Variants in RREB1 observed in about 807,000 individuals in gnomAD.
RREB1 encodes the protein ras responsive element binding protein 1, also known as ras-responsive element-binding protein 1.
RREB1 carries 27 observed loss-of-function variants against 117.8 expected under a neutral mutation model. The ratio of observed to expected loss-of-function variants is 0.23; its 90% confidence interval spans 0.17 to 0.32. The LOEUF (loss-of-function observed/expected upper bound fraction) is 0.32, where lower values mean the gene tolerates loss of function less well. RREB1 is among the 10% of genes least tolerant of loss of function. The pLI is 1.00. For missense variants in RREB1, 2,577 were observed against 2,378.2 expected (o/e 1.08, Z -1.74); for synonymous variants, 1,298 against 1,026.7 (o/e 1.26, Z -5.05).
rs113681415 is a variant in RREB1 at position 7,195,946 on chromosome 6, G to A, written c.425+6624G>A. Among the ~76,000 whole-genome samples, 29 of 152,344 alleles carry A rather than the reference G, an allele frequency of 1.9e-4. 1 individual carries two copies. Among genetic ancestry groups the A allele is most frequent in the African/African-American group, 5.8e-4 (24 of 41,586 alleles). ...CTGCTGCGGCATGATTCTCTGTAGC[G>A]TGGATTTCTGGAGTTTCATTTCTCT... On this transcript the variant is annotated intron_variant, in intron 6 of 12. Transcript: ENST00000379938.
intron 1 of RREB1, among the ~76,000 whole-genome samples, chr6:7,156,089 A>AGCC (rs1240660547): frequency 4.6e-5 from 7 of 152,272 alleles, no homozygotes; most frequent in African/African-American, 1.7e-4. Context: ...GTTTTCTGCA[A>AGCC]GCCAGGGCTT....
chr6:7,146,398 T>G (rs1581448252), intron 1 of RREB1, among the ~76,000 whole-genome samples: 1 of 149,830 alleles, frequency 6.7e-6, no homozygotes, highest in Non-Finnish European at 1.5e-5. Context: ...GGAGGCGAGG[T>G]GGGGACGGAG....
intron 1 of RREB1, among the ~76,000 whole-genome samples, chr6:7,111,910 T>C (rs916812267): frequency 2.0e-5 from 3 of 152,234 alleles, no homozygotes; most frequent in African/African-American, 7.2e-5. Flanking sequence ...TAAAGTTATG[T>C]CTTTTATTCC....
intron 1 of RREB1, among the ~76,000 whole-genome samples, chr6:7,140,375 C>G (rs916155609): frequency 1.3e-5 from 2 of 152,104 alleles, no homozygotes; most frequent in African/African-American, 2.4e-5. Context: ...ATAGGGATAT[C>G]CTTTTTCTCA....
intron 6 of RREB1, among the ~76,000 whole-genome samples, chr6:7,199,552 C>A (rs565550122): frequency 2.0e-5 from 3 of 152,268 alleles, no homozygotes; most frequent in South Asian, 4.1e-4. Context: ...TGTGCAAATC[C>A]TTATTATTTG....
Position 7,181,976 on chromosome 6 carries a change from C to A in RREB1, c.65C>A (p.Ser22Ter). 6.2e-7 allele frequency: 1 copy of A among 1,614,150 alleles called. No homozygotes were observed. The highest frequency in any genetic ancestry group is 1.1e-5 in the South Asian group (1 of 91,082). ...SDLSSINTMM[S>*]AVMSVGKVTE... ...CTATCTTCCATCAACACCATGATGT[C>A]GGCGGTCATGAGTGTAGGGAAGGTC... Residue 22 changes from serine (S) to a stop codon, truncating the protein, a stop_gained, in exon 4 of 13, where the codon TCG (serine) becomes TAG (stop). Coordinates refer to ENST00000379938, the MANE Select transcript of RREB1 (RefSeq NM_001003699.4). LOFTEE classifies it high-confidence loss of function.
At chr6:7,174,459 C>G (rs944943312) in intron 1 of RREB1, among the ~76,000 whole-genome samples, 1 of 151,912 alleles carries the variant, frequency 6.6e-6, no homozygotes, top group Non-Finnish European at 1.5e-5. Context: ...CCCGGTGGAC[C>G]TTTTTTTAAG....
chr6:7,212,002 G>T, intron 8 of RREB1: 1 of 379,446 alleles, frequency 2.6e-6, no homozygotes, highest in South Asian at 4.0e-5. Flanking sequence ...TATCATGGGT[G>T]TTCTTGGACA....
At chr6:7,195,370 T>C (rs1765616411) in intron 6 of RREB1, among the ~76,000 whole-genome samples, 1 of 152,162 alleles carries the variant, frequency 6.6e-6, no homozygotes, top group South Asian at 2.1e-4. Context: ...TATAAAAATG[T>C]GAGAACACTT....
chr6:7,250,358 T>TA lies in RREB1; in HGVS notation c.*1393dup, dbSNP rs1769357637. The TA allele has an allele frequency of 6.6e-6, 1 of 152,214 alleles. No homozygotes were observed. Among genetic ancestry groups the TA allele is most frequent in the Admixed American group, 6.5e-5 (1 of 15,290 alleles). 9.4% of individuals were successfully genotyped at this position (152,214 alleles called of 1,614,324 possible). ...GCGATGTGGGGTTGGTGCTTGAAGATAAATGTGCTGTTTCTAGTTTCTTAA... is the reference window on the plus strand; with the variant it reads ...GCGATGTGGGGTTGGTGCTTGAAGATAAAATGTGCTGTTTCTAGTTTCTTAA... On this transcript the variant is annotated 3_prime_UTR_variant, in exon 13 of 13. Transcript: ENST00000379938.
At chr6:7,165,049 G>C (rs1763856036) in intron 1 of RREB1, among the ~76,000 whole-genome samples, 1 of 152,232 alleles carries the variant, frequency 6.6e-6, no homozygotes, top group African/African-American at 2.4e-5. Flanking sequence ...AGCCCTGAAA[G>C]TAAGTTCTCT....
intron 6 of RREB1, among the ~76,000 whole-genome samples, chr6:7,209,700 G>A (rs534574775): frequency 8.2e-4 from 125 of 151,562 alleles, no homozygotes; most frequent in Admixed American, 5.3e-3. Context: ...ACTCCAGCCT[G>A]GGCGACAGAG....
intron 11 of RREB1, among the ~76,000 whole-genome samples, chr6:7,241,782 A>T (rs1768720002): frequency 6.6e-6 from 1 of 152,180 alleles, no homozygotes; most frequent in African/African-American, 2.4e-5. Flanking sequence ...GCCAGTCTAG[A>T]TCAGATCCTC....
At chr6:7,177,133 C>A (rs1400571509) in intron 2 of RREB1, among the ~76,000 whole-genome samples, 1 of 146,736 alleles carries the variant, frequency 6.8e-6, no homozygotes, top group East Asian at 2.1e-4. Flanking sequence ...GCACGAGAAT[C>A]GCTTGAACCT....
intron 1 of RREB1, among the ~76,000 whole-genome samples, chr6:7,143,533 A>G (rs1266857443): frequency 1.3e-5 from 2 of 152,198 alleles, no homozygotes; most frequent in Non-Finnish European, 2.9e-5. Flanking sequence ...TGACTCAATT[A>G]TCATTAGACC....
chr6:7,199,601 C>G (rs1765838020), intron 6 of RREB1, among the ~76,000 whole-genome samples: 1 of 151,878 alleles, frequency 6.6e-6, no homozygotes, highest in Non-Finnish European at 1.5e-5. Flanking sequence ...ATTGCTTGTT[C>G]TATGATGTTT....
chr6:7,118,156 T>C (rs1761496552), intron 1 of RREB1, among the ~76,000 whole-genome samples: 1 of 152,224 alleles, frequency 6.6e-6, no homozygotes, highest in South Asian at 2.1e-4. Flanking sequence ...AGTCTTGCAC[T>C]ATCTCCCAGG....
At chr6:7,231,957 G>C in intron 10 of RREB1, 50 bp downstream of exon 10, 1 of 1,514,186 alleles carries the variant, frequency 6.6e-7, no homozygotes, top group Non-Finnish European at 8.9e-7. Flanking sequence ...TCCTGGTAGG[G>C]GGAGCCACGA....
At chr6:7,162,755 C>T (rs1051513207) in intron 1 of RREB1, among the ~76,000 whole-genome samples, 13 of 152,154 alleles carry the variant, frequency 8.5e-5, no homozygotes, top group African/African-American at 3.1e-4. Context: ...GGATTGGATA[C>T]ACTCTGAAAG....
Sources: allele counts gnomAD v4.1 joint callset (sites outside exome capture counted in the v4.1 genomes callset), GRCh38; gene constraint gnomAD v4.1.1; transcripts MANE v1.5; gene names NCBI Gene and HGNC (gene_info 2026-07-23, HGNC 2026-07-21).